The following GABRB1 variants were observed in gnomAD, a reference collection of about 807,000 sequenced individuals.
GABRB1 encodes gamma-aminobutyric acid type A receptor subunit beta1, also known as gamma-aminobutyric acid receptor subunit beta-1.
A neutral mutation model predicts 51.6 loss-of-function variants in GABRB1; 17 were observed. That is an observed-to-expected ratio of 0.33 (90% CI 0.23 to 0.49). The LOEUF is 0.49. Among genes scored for constraint, GABRB1 ranks in the 20% least tolerant of loss-of-function variants. GABRB1 has a pLI of 0.99. For synonymous variants in GABRB1, 247 were observed against 218.9 expected, an observed-to-expected ratio of 1.13 and a Z score of -1.14; for missense variants, 410 against 600.6, an observed-to-expected ratio of 0.68 and a Z score of 3.32.
chr4:47,158,299 T>C (rs973185211), intron 3 of GABRB1, among the ~76,000 whole-genome samples: 1 of 152,138 alleles, frequency 6.6e-6, no homozygotes, highest in Non-Finnish European at 1.5e-5. Context: ...TAAAATTGTG[T>C]ATATTTATTG....
At chr4:47,144,066 A>T (rs1717050558) in intron 3 of GABRB1, among the ~76,000 whole-genome samples, 2 of 151,954 alleles carry the variant, frequency 1.3e-5, no homozygotes, top group Non-Finnish European at 2.9e-5. Flanking sequence ...AAGGGGCATG[A>T]TAAATTCTGT....
intron 4 of GABRB1, among the ~76,000 whole-genome samples, chr4:47,256,695 G>T (rs1722213707): frequency 6.6e-6 from 1 of 152,162 alleles, no homozygotes; most frequent in African/African-American, 2.4e-5. Flanking sequence ...GAGAGAGGGA[G>T]AAGAGTGAGG....
At chr4:47,000,908 G>C (rs1168599779) in intron 1 of GABRB1, among the ~76,000 whole-genome samples, 3 of 152,180 alleles carry the variant, frequency 2.0e-5, no homozygotes, top group Non-Finnish European at 2.9e-5. Flanking sequence ...GGTCAAACCA[G>C]ATTCATGCAG....
chr4:47,358,497 G>T (rs58082159), intron 5 of GABRB1, among the ~76,000 whole-genome samples: 3 of 151,882 alleles, frequency 2.0e-5, no homozygotes, highest in Admixed American at 2.0e-4. Context: ...TATCAATAGC[G>T]TAGGCTACCA....
chr4:47,032,153 C>CAT, intron 2 of GABRB1, 148 bp downstream of exon 2: 1 of 690,584 alleles, frequency 1.4e-6, no homozygotes, highest in East Asian at 2.7e-5. Context: ...CACACACACA[C>CAT]ACACACACCC....
chr4:47,039,257 C>A (rs577901933), intron 3 of GABRB1, among the ~76,000 whole-genome samples: 3 of 151,102 alleles, frequency 2.0e-5, no homozygotes, highest in African/African-American at 7.3e-5. Context: ...CTTTCCCTGT[C>A]TCTCACATCC....
At chr4:47,193,912 G>C (rs188914707) in intron 4 of GABRB1, among the ~76,000 whole-genome samples, 9 of 152,086 alleles carry the variant, frequency 5.9e-5, no homozygotes, top group Non-Finnish European at 1.0e-4. Context: ...TTATGACCGA[G>C]AAAAGGGCAG....
intron 4 of GABRB1, among the ~76,000 whole-genome samples, chr4:47,273,972 T>C (rs956009042): frequency 4.6e-5 from 7 of 151,996 alleles, no homozygotes; most frequent in Non-Finnish European, 1.0e-4. Flanking sequence ...AGATTATGCA[T>C]GCATACACAT....
At chr4:47,110,510 T>C (rs1396407727) in intron 3 of GABRB1, among the ~76,000 whole-genome samples, 1 of 152,192 alleles carries the variant, frequency 6.6e-6, no homozygotes, top group Non-Finnish European at 1.5e-5. Context: ...TGTCAAATCT[T>C]TGCTTAATCA....
Position 47,031,802 on chromosome 4 carries a change from G to C in GABRB1, c.80+71G>C, listed in dbSNP as rs1415122049. ...TTTTTCTTGGTATGTTTCTTTTTAC[G>C]TGTCTGCTGGATCATGTATCTTGTT... On this transcript the variant is annotated intron_variant, in intron 1 of 8. Transcript: ENST00000295454. 4.6e-6 allele frequency: 7 copies of C among 1,506,640 alleles called. No homozygotes were observed. The South Asian group carries it at 6.8e-5, about 15-fold the overall frequency. 93.3% of individuals were successfully genotyped at this position (1,506,640 alleles called of 1,614,324 possible). A position where few individuals can be genotyped will look rare whatever the true frequency, so the allele number is the denominator to read the frequency against.
intron 3 of GABRB1, among the ~76,000 whole-genome samples, chr4:47,062,157 G>T (rs900010821): frequency 6.6e-6 from 1 of 152,092 alleles, no homozygotes; most frequent in Non-Finnish European, 1.5e-5. Flanking sequence ...ACCTTAAGAG[G>T]CACTTGTAAG....
At chr4:47,354,988 T>TTGTTTTTG (rs1553877830) in intron 5 of GABRB1, among the ~76,000 whole-genome samples, 1 of 130,838 alleles carries the variant, frequency 7.6e-6, no homozygotes, top group Non-Finnish European at 1.6e-5. Context: ...TTGTTTTTTT[T>TTGTTTTTG]TTTTTTTTTT....
At chr4:47,147,323 T>A (rs554765231) in intron 3 of GABRB1, among the ~76,000 whole-genome samples, 1 of 152,080 alleles carries the variant, frequency 6.6e-6, no homozygotes, top group Non-Finnish European at 1.5e-5. Context: ...TTATACAACC[T>A]CATATTCCTC....
intron 4 of GABRB1, among the ~76,000 whole-genome samples, chr4:47,289,858 A>G (rs1723657600): frequency 6.6e-6 from 1 of 152,204 alleles, no homozygotes; most frequent in African/African-American, 2.4e-5. Flanking sequence ...ATGGCATTTC[A>G]TTACCCATAA....
At chr4:46,994,508 G>GC (rs1560488841) in intron 1 of GABRB1, 1 of 128,146 alleles carries the variant, frequency 7.8e-6, no homozygotes. Context: ...GAGAGACAGA[G>GC]AGAGACAGAG....
chr4:47,082,695 T>A (rs186008585), intron 3 of GABRB1, among the ~76,000 whole-genome samples: 1 of 152,226 alleles, frequency 6.6e-6, no homozygotes, highest in East Asian at 1.9e-4. Flanking sequence ...TACTTTAAAG[T>A]AGGGATACTG....
rs138494883 is a variant in GABRB1 at position 47,269,066 on chromosome 4, A to T, written c.462-51061A>T. On this transcript the variant is annotated intron_variant, in intron 4 of 8. Coordinates refer to ENST00000295454, the MANE Select transcript of GABRB1 (RefSeq NM_000812.4). The stretch of plus-strand genomic sequence containing the variant: ...CTACAACTTATTTTGATGGTCTCCA[A>T]AATCATTTATTTTGGTCTGAATTTA... 5.4e-3 allele frequency among the ~76,000 whole-genome samples: 825 copies of T among 152,268 alleles called. 9 individuals are homozygous for T. Among genetic ancestry groups the T allele is most frequent in the African/African-American group, 0.018 (762 of 41,566 alleles).
chr4:47,367,217 C>T (rs964521823), intron 5 of GABRB1, among the ~76,000 whole-genome samples: 1 of 152,186 alleles, frequency 6.6e-6, no homozygotes. Context: ...GCACTACTAT[C>T]TCTAGAGATC....
chr4:47,119,591 C>T (rs539151216), intron 3 of GABRB1, among the ~76,000 whole-genome samples: 6 of 151,740 alleles, frequency 4.0e-5, no homozygotes, highest in African/African-American at 1.2e-4. Flanking sequence ...TCACTGCAAC[C>T]TCTGCCTCCA....
Sources: allele counts gnomAD v4.1 joint callset (sites outside exome capture counted in the v4.1 genomes callset), GRCh38; gene constraint gnomAD v4.1.1; transcripts MANE v1.5; gene names NCBI Gene and HGNC (gene_info 2026-07-23, HGNC 2026-07-21).